The following BMPER variants were observed in gnomAD, a reference collection of about 807,000 sequenced individuals.
The protein encoded by BMPER is BMP binding endothelial regulator.
In BMPER, 45 loss-of-function variants were observed where a neutral mutation model predicts 87.3. The ratio of observed to expected loss-of-function variants is 0.52; its 90% CI spans 0.41 to 0.66. The LOEUF (loss-of-function observed/expected upper bound fraction) is 0.66. Ranked by LOEUF, BMPER falls within the 30% of genes least tolerant of loss-of-function variation. The probability of loss-of-function intolerance (pLI) is 0.00; values close to 1 mark genes in which losing one functional copy is unlikely to be tolerated. For missense variants in BMPER, 784 were observed against 867.5 expected (o/e 0.90, Z 1.21); for synonymous variants, 326 against 316.2 (o/e 1.03, Z -0.33).
At chr7:34,127,336 G>A (rs553200757) in intron 13 of BMPER, among the ~76,000 whole-genome samples, 12 of 152,268 alleles carry the variant, frequency 7.9e-5, no homozygotes, top group African/African-American at 2.9e-4. Context: ...TGGTGTGATG[G>A]AGCTGGCTTC....
chr7:34,035,805 A>G (rs1787648019), intron 6 of BMPER, among the ~76,000 whole-genome samples: 1 of 152,234 alleles, frequency 6.6e-6, no homozygotes, highest in South Asian at 2.1e-4. Flanking sequence ...CTTTGGGACA[A>G]ACGATAAACC....
Position 34,153,632 on chromosome 7 carries a change from A to G in BMPER, c.*359A>G. 1 of 194,338 alleles carries G rather than the reference A, an allele frequency of 5.1e-6. No individual in the cohort carries two copies. Among genetic ancestry groups the G allele is most frequent in the Non-Finnish European group, 1.1e-5 (1 of 92,404 alleles). 12.0% of individuals were successfully genotyped at this position (194,338 alleles called of 1,614,324 possible). ...TTGTCATTTTTAAGGAAGTTTTCTA[A>G]GAGCCCTCAATTGCCTGCCTGTATT... On this transcript the variant is annotated 3_prime_UTR_variant, in exon 15 of 15. Transcript: ENST00000649409.
rs143017412 is a variant in BMPER at position 34,067,792 on chromosome 7, C to T, written c.1078+5745C>T. 1.4e-4 allele frequency among the ~76,000 whole-genome samples: 21 copies of T among 152,296 alleles called. No homozygotes were observed. In the East Asian group the frequency reaches 3.3e-3, roughly 24 times the overall value. On this transcript the variant is annotated intron_variant, in intron 11 of 14. Coordinates refer to ENST00000649409, the MANE Select transcript of BMPER (RefSeq NM_001365308.1). ...GGAGATCCCACACCGGTAGAAGCCA[C>T]GCTGGAAGGAGCATGAGGAAATCAG...
chr7:34,050,869 A>G (rs1041270900), intron 7 of BMPER, among the ~76,000 whole-genome samples: 1 of 152,200 alleles, frequency 6.6e-6, no homozygotes, highest in Non-Finnish European at 1.5e-5. Context: ...TACTATGCCT[A>G]TGAAAGGCTG....
rs1013090967 is a variant in BMPER, at chr7:33,934,974, A to G, written c.220-2315A>G. On this transcript the variant is annotated intron_variant, in intron 2 of 14. Transcript: ENST00000649409. ...GAACTACGCTTTTCAAAATGAAGTC[A>G]CTGTCAACAATACCAAGCAGCATAC... is the stretch of plus-strand genomic sequence containing the variant. Among the ~76,000 whole-genome samples, 5 of 152,238 alleles carry G rather than the reference A, an allele frequency of 3.3e-5. No homozygotes were observed. The East Asian group carries it at 9.6e-4, about 29-fold the overall frequency.
At chr7:34,028,034 C>T (rs1787403810) in intron 6 of BMPER, among the ~76,000 whole-genome samples, 1 of 151,964 alleles carries the variant, frequency 6.6e-6, no homozygotes, top group South Asian at 2.1e-4. Context: ...GAGAATGGTT[C>T]ATTGATATGG....
chr7:34,034,558 G>T (rs923923958), intron 6 of BMPER, among the ~76,000 whole-genome samples: 2 of 152,154 alleles, frequency 1.3e-5, no homozygotes, highest in Admixed American at 1.3e-4. Flanking sequence ...TGTCCTGGAG[G>T]CCTCAGATGA....
intron 3 of BMPER, among the ~76,000 whole-genome samples, chr7:33,965,875 A>C (rs201265076): frequency 2.7e-3 from 1 of 370 alleles, no homozygotes; most frequent in African/African-American, 0.013. Context: ...CATACTTTAG[A>C]TGGGTAGTTT....
intron 2 of BMPER, among the ~76,000 whole-genome samples, chr7:33,920,158 C>G (rs182476046): frequency 3.9e-5 from 6 of 152,142 alleles, no homozygotes; most frequent in African/African-American, 1.4e-4. Context: ...TGGGCCTCTG[C>G]CCCTTCCTCC....
intron 3 of BMPER, 75 bp from the exon 4 acceptor site, chr7:33,966,404 T>G: frequency 1.5e-6 from 2 of 1,299,806 alleles, no homozygotes; most frequent in Non-Finnish European, 2.2e-6. Context: ...GAACATAACT[T>G]ATTTTGCTCC....
chr7:34,096,109 C>T (rs927389714), intron 13 of BMPER, among the ~76,000 whole-genome samples: 10 of 152,106 alleles, frequency 6.6e-5, no homozygotes, highest in South Asian at 2.1e-4. Context: ...GGTATCAGGT[C>T]GCCCTTTGAA....
intron 6 of BMPER, among the ~76,000 whole-genome samples, chr7:34,035,475 G>T (rs1293958008): frequency 1.3e-5 from 2 of 152,154 alleles, no homozygotes; most frequent in Non-Finnish European, 2.9e-5. Context: ...TTTTTCCGTA[G>T]TGTGCTCAGG....
At chr7:34,050,009 C>G (rs1204438270) in intron 7 of BMPER, among the ~76,000 whole-genome samples, 1 of 152,142 alleles carries the variant, frequency 6.6e-6, no homozygotes, top group Non-Finnish European at 1.5e-5. Context: ...AGGCTGTGCA[C>G]AGCTTTCTGA....
intron 13 of BMPER, among the ~76,000 whole-genome samples, chr7:34,089,273 C>A (rs149657464): frequency 4.6e-5 from 7 of 152,240 alleles, no homozygotes; most frequent in Middle Eastern, 3.4e-3. Context: ...TTCTGAGCAC[C>A]ACTGTCTTGT....
At chr7:33,980,495 C>G (rs1785822940) in intron 6 of BMPER, among the ~76,000 whole-genome samples, 1 of 152,194 alleles carries the variant, frequency 6.6e-6, no homozygotes, top group African/African-American at 2.4e-5. Context: ...GTCAACTTTT[C>G]AGGAAACAGG....
intron 13 of BMPER, among the ~76,000 whole-genome samples, chr7:34,130,577 G>A (rs1054826807): frequency 3.9e-5 from 6 of 152,196 alleles, no homozygotes; most frequent in Admixed American, 3.9e-4. Flanking sequence ...CAGGTTTTGA[G>A]CATGTACCCT....
Position 34,078,991 on chromosome 7 carries a change from G to C in BMPER, c.1213G>C (p.Val405Leu). The C allele has an allele frequency of 6.2e-7, 1 of 1,614,210 alleles. No individual in the cohort carries two copies. Among genetic ancestry groups the C allele is most frequent in the Non-Finnish European group, 8.5e-7 (1 of 1,180,050 alleles). ...SSPASPFQVL[V>L]KNDARRTRSF... Reference sequence around the variant, plus strand: ...CCCTGCCTCGCCCTTCCAGGTGCTGGTGAAGAACGACGCCCGCCGGACACG... The same window carrying C: ...CCCTGCCTCGCCCTTCCAGGTGCTGCTGAAGAACGACGCCCGCCGGACACG... Residue 405 changes from valine (V) to leucine (L), a missense_variant, in exon 12 of 15, where the codon GTG becomes CTG. Physicochemically the swap from Val to Leu is conservative, Grantham distance 32. Coordinates refer to ENST00000649409, the MANE Select transcript of BMPER (RefSeq NM_001365308.1).
chr7:34,051,839 C>T lies in BMPER; in HGVS notation c.677-22C>T, dbSNP rs768059302. ...CATCCCCGATTCTGTCTTACTTACA[C>T]TGTGCTTCTGTTTCTCTCTAGGTCA... On this transcript the variant is annotated intron_variant, in intron 7 of 14. Coordinates refer to ENST00000649409, the MANE Select transcript of BMPER (RefSeq NM_001365308.1). 4.4e-6 allele frequency: 7 copies of T among 1,574,236 alleles called. No homozygotes were observed. The Admixed American group carries it at 1.0e-4, about 23-fold the overall frequency.
intron 13 of BMPER, among the ~76,000 whole-genome samples, chr7:34,103,544 T>C (rs1789740225): frequency 6.6e-6 from 1 of 152,184 alleles, no homozygotes; most frequent in Admixed American, 6.5e-5. Flanking sequence ...AAGCTTCAAG[T>C]GACTCCCCTA....
Sources: allele counts gnomAD v4.1 joint callset (sites outside exome capture counted in the v4.1 genomes callset), GRCh38; gene constraint gnomAD v4.1.1; transcripts MANE v1.5; gene names NCBI Gene and HGNC (gene_info 2026-07-23, HGNC 2026-07-21).